The following RNF13 variants were observed in gnomAD, a reference collection of about 807,000 sequenced individuals.
RNF13 encodes ring finger protein 13, also known as E3 ubiquitin-protein ligase RNF13.
RNF13 carries 19 observed loss-of-function variants against 37.7 expected under a neutral mutation model. The ratio of observed to expected loss-of-function variants is 0.50; its 90% CI spans 0.35 to 0.74. RNF13 has a LOEUF of 0.74. RNF13 is among the 30% of genes least tolerant of loss of function. The pLI, the probability that RNF13 is intolerant of heterozygous loss-of-function variation, is 0.01. For missense variants in RNF13, 375 were observed against 453.0 expected, an observed-to-expected ratio of 0.83 and a Z score of 1.56; for synonymous variants, 144 against 157.8, an observed-to-expected ratio of 0.91 and a Z score of 0.65.
intron 1 of RNF13, among the ~76,000 whole-genome samples, chr3:149,826,896 AC>A (rs1720557434): frequency 6.6e-6 from 1 of 152,144 alleles, no homozygotes; most frequent in African/African-American, 2.4e-5. Context: ...AGCTGGGACT[AC>A]TTGTGCATGC....
chr3:149,885,836 G>C (rs967256884), intron 4 of RNF13, among the ~76,000 whole-genome samples: 2 of 152,108 alleles, frequency 1.3e-5, no homozygotes, highest in African/African-American at 4.8e-5. Flanking sequence ...TTTCCCCAAT[G>C]TTTTCTTGTA....
At position 149,860,075 on chromosome 3, in the gene RNF13, T is replaced by G. The variant is rs531893483; in HGVS notation, c.195+7479T>G. On this transcript the variant is annotated intron_variant, in intron 3 of 9. Coordinates refer to ENST00000392894, the MANE Select transcript of RNF13 (RefSeq NM_183381.3). ...TGAGGTCAGGAGTTCAAGACCAGCC[T>G]GACCAACATGGTGAAACCCCATCTC... is the stretch of plus-strand genomic sequence containing the variant. Among the ~76,000 whole-genome samples the G allele has an allele frequency of 1.2e-3, 185 of 151,592 alleles. 2 individuals carry two copies. The highest frequency in any genetic ancestry group is 3.5e-4 in the Non-Finnish European group (24 of 67,858).
At chr3:149,943,478 G>A (rs1344368797) in intron 8 of RNF13, among the ~76,000 whole-genome samples, 2 of 152,072 alleles carry the variant, frequency 1.3e-5, no homozygotes, top group Non-Finnish European at 2.9e-5. Flanking sequence ...TCAACATCCT[G>A]CACCAGAGTG....
chr3:149,879,349 C>G (rs1445968056), intron 4 of RNF13, among the ~76,000 whole-genome samples: 1 of 147,410 alleles, frequency 6.8e-6, no homozygotes, highest in Non-Finnish European at 1.5e-5. Context: ...ATACTGTTGC[C>G]TGGGCTGGAG....
At chr3:149,844,736 G>A (rs764271274) in intron 1 of RNF13, among the ~76,000 whole-genome samples, 4 of 151,986 alleles carry the variant, frequency 2.6e-5, no homozygotes, top group African/African-American at 7.3e-5. Flanking sequence ...CTTAAGAAAC[G>A]AATGTCAACA....
At chr3:149,823,868 A>G (rs1192558654) in intron 1 of RNF13, among the ~76,000 whole-genome samples, 1 of 152,216 alleles carries the variant, frequency 6.6e-6, no homozygotes, top group Non-Finnish European at 1.5e-5. Context: ...TGTAAAAACA[A>G]TACAAAGACC....
At chr3:149,946,768 T>G (rs1720808604) in intron 8 of RNF13, among the ~76,000 whole-genome samples, 1 of 152,216 alleles carries the variant, frequency 6.6e-6, no homozygotes, top group South Asian at 2.1e-4. Context: ...CTGTTGGTTT[T>G]GTTGTATTTT....
At chr3:149,849,248 T>C (rs534543270) in intron 2 of RNF13, among the ~76,000 whole-genome samples, 1 of 152,224 alleles carries the variant, frequency 6.6e-6, no homozygotes, top group Non-Finnish European at 1.5e-5. Context: ...GCCCATGATT[T>C]TACTGAGAAG....
intron 7 of RNF13, among the ~76,000 whole-genome samples, chr3:149,915,010 T>C (rs1294888106): frequency 6.6e-6 from 1 of 152,172 alleles, no homozygotes; most frequent in East Asian, 1.9e-4. Context: ...TGCTATATTT[T>C]TTGGGAAAAT....
intron 7 of RNF13, among the ~76,000 whole-genome samples, chr3:149,917,908 T>G (rs557452515): frequency 3.7e-4 from 56 of 152,292 alleles, no homozygotes; most frequent in African/African-American, 1.3e-3. Flanking sequence ...TCATTTAAAG[T>G]ACACAATTCA....
chr3:149,836,806 T>C (rs1721671971), intron 1 of RNF13, among the ~76,000 whole-genome samples: 1 of 152,206 alleles, frequency 6.6e-6, no homozygotes, highest in Non-Finnish European at 1.5e-5. Context: ...TATAATGGAA[T>C]ATTACTCAGC....
chr3:149,862,854 A>G (rs1375238463), intron 3 of RNF13, among the ~76,000 whole-genome samples: 1 of 152,208 alleles, frequency 6.6e-6, no homozygotes, highest in African/African-American at 2.4e-5. Context: ...CTGCTGGTAT[A>G]AAAGAATGTC....
At chr3:149,944,170 GT>G (rs1256788691) in intron 8 of RNF13, among the ~76,000 whole-genome samples, 1 of 152,158 alleles carries the variant, frequency 6.6e-6, no homozygotes, top group African/African-American at 2.4e-5. Flanking sequence ...TGGCTGCATA[GT>G]ATTCCATGGT....
rs199700015 is a variant in RNF13 at position 149,816,518 on chromosome 3, C to CT, written c.-17+3178dup. Among the ~76,000 whole-genome samples, 278 of 139,242 alleles carry CT rather than the reference C, an allele frequency of 2.0e-3. 2 individuals are homozygous for CT. The highest frequency in any genetic ancestry group is 7.9e-3 in the Middle Eastern group (2 of 252). 91.3% of individuals were successfully genotyped at this position (139,242 alleles called of 152,430 possible). A position where few individuals can be genotyped will look rare whatever the true frequency, so the allele number is the denominator to read the frequency against. On this transcript the variant is annotated intron_variant, in intron 1 of 9. Coordinates refer to ENST00000392894, the MANE Select transcript of RNF13 (RefSeq NM_183381.3). ...TGTTTAGTAAATTATATGCCTTAGC[C>CT]TTTTTTTTTTTTTCATTGAGGATGA...
chr3:149,874,354 A>G (rs538236495), intron 4 of RNF13, among the ~76,000 whole-genome samples: 1 of 152,238 alleles, frequency 6.6e-6, no homozygotes, highest in South Asian at 2.1e-4. Flanking sequence ...TCTCATCTTT[A>G]TTATTTACTA....
At chr3:149,946,575 C>A (rs1056340216) in intron 8 of RNF13, among the ~76,000 whole-genome samples, 6 of 152,110 alleles carry the variant, frequency 3.9e-5, no homozygotes, top group Non-Finnish European at 8.8e-5. Flanking sequence ...GGAATTTATC[C>A]ATTTCTTCTA....
intron 4 of RNF13, among the ~76,000 whole-genome samples, chr3:149,883,386 C>T (rs949002081): frequency 6.6e-6 from 1 of 151,846 alleles, no homozygotes; most frequent in Non-Finnish European, 1.5e-5. Flanking sequence ...TATTGTATCT[C>T]TTTTATCTAG....
At chr3:149,880,919 C>T (rs1239578108) in intron 4 of RNF13, among the ~76,000 whole-genome samples, 2 of 152,146 alleles carry the variant, frequency 1.3e-5, no homozygotes, top group African/African-American at 4.8e-5. Context: ...AACCCACCCA[C>T]AGTAAGAAGT....
intron 1 of RNF13, among the ~76,000 whole-genome samples, chr3:149,840,351 A>T (rs1007087213): frequency 6.6e-6 from 1 of 152,116 alleles, no homozygotes; most frequent in Non-Finnish European, 1.5e-5. Context: ...TCCTTTGAAG[A>T]AGTGTGACTT....
Sources: gnomAD v4.1 joint callset for allele counts (sites outside exome capture counted in the v4.1 genomes callset) on GRCh38, gnomAD v4.1.1 for gene constraint, MANE v1.5 for transcripts, NCBI Gene and HGNC (gene_info 2026-07-23, HGNC 2026-07-21) for gene names.